Variants in PPFIBP1 observed in about 807,000 individuals in gnomAD.
The protein encoded by PPFIBP1 is PPFIB scaffold protein 1, also known as liprin-beta-1.
PPFIBP1 carries 112 observed loss-of-function variants against 137.8 expected under a neutral mutation model. The observed-to-expected ratio is 0.81, with a 90% CI of 0.70 to 0.95. PPFIBP1 has a LOEUF of 0.95. PPFIBP1 is among the 40% of genes least tolerant of loss of function. The pLI, the probability that PPFIBP1 is intolerant of heterozygous loss-of-function variation, is 0.00. For missense variants in PPFIBP1, 1,083 were observed against 1,196.6 expected (o/e 0.91, Z 1.40); for synonymous variants, 378 against 417.3 (o/e 0.91, Z 1.15).
intron 2 of PPFIBP1, chr12:27,593,423 G>A (rs894421339): frequency 2.2e-6 from 1 of 455,562 alleles, no homozygotes; most frequent in Admixed American, 2.4e-5. Flanking sequence ...TGTTCCTTAA[G>A]CCTTAGAGGA....
rs143877880 is a variant in PPFIBP1, at chr12:27,647,728, G to C, written c.358-1G>C. 8.2e-6 allele frequency: 13 copies of C among 1,588,536 alleles called. No individual in the cohort carries two copies. The African/African-American group carries it at 1.4e-4, about 17-fold the overall frequency. ...ATTGCATTATTTTGCTCTAAATACA[G>C]GTAAGTGTGTTAACAGACCAGGTGG... On this transcript the variant is annotated splice_acceptor_variant, in intron 5 of 29. Coordinates refer to ENST00000228425, the MANE Select transcript of PPFIBP1 (RefSeq NM_003622.4). LOFTEE classifies it high-confidence loss of function.
chr12:27,573,638 CT>C (rs1169830956), intron 1 of PPFIBP1, among the ~76,000 whole-genome samples: 1 of 152,146 alleles, frequency 6.6e-6, no homozygotes, highest in Non-Finnish European at 1.5e-5. Flanking sequence ...AGGATCTAGA[CT>C]TTACTCTGCA....
At chr12:27,525,010 A>G (rs1194745877) in intron 1 of PPFIBP1, among the ~76,000 whole-genome samples, 3 of 152,066 alleles carry the variant, frequency 2.0e-5, no homozygotes, top group Non-Finnish European at 2.9e-5. Flanking sequence ...TGCCAGCTTT[A>G]TATCTGGAGA....
chr12:27,673,428 A>G (rs1385742997), intron 15 of PPFIBP1, among the ~76,000 whole-genome samples: 3 of 152,246 alleles, frequency 2.0e-5, no homozygotes, highest in Non-Finnish European at 4.4e-5. Flanking sequence ...GAGTATTTTT[A>G]AAGTTCCTAG....
intron 1 of PPFIBP1, among the ~76,000 whole-genome samples, chr12:27,530,481 A>G (rs978525706): frequency 2.0e-5 from 3 of 152,218 alleles, no homozygotes; most frequent in Non-Finnish European, 2.9e-5. Context: ...GTGACTTTGC[A>G]TAACTGAGAA....
At chr12:27,612,170 G>A (rs946800376) in intron 2 of PPFIBP1, among the ~76,000 whole-genome samples, 3 of 152,064 alleles carry the variant, frequency 2.0e-5, no homozygotes, top group South Asian at 2.1e-4. Context: ...CAGGGATGCC[G>A]TCAGAGGTAC....
At chr12:27,670,255 A>C (rs549685363) in intron 13 of PPFIBP1, among the ~76,000 whole-genome samples, 1 of 152,352 alleles carries the variant, frequency 6.6e-6, no homozygotes, top group East Asian at 1.9e-4. Context: ...AGGATGCACA[A>C]AGCATTTGTT....
At chr12:27,609,481 G>A (rs2054862502) in intron 2 of PPFIBP1, among the ~76,000 whole-genome samples, 1 of 152,056 alleles carries the variant, frequency 6.6e-6, no homozygotes, top group African/African-American at 2.4e-5. Context: ...TACTTCTGTT[G>A]CCTTCACTAC....
In PPFIBP1 at chr12:27,658,932, T is replaced by G. The variant is rs2059378194; in HGVS notation, c.844+84T>G. ...GTTCTTTGCATGTGTTTTAAAACAT[T>G]TCTCTCACCAAAGATGTAAAGTTGC... On this transcript the variant is annotated intron_variant, in intron 10 of 29. Coordinates refer to ENST00000228425, the MANE Select transcript of PPFIBP1 (RefSeq NM_003622.4). 3.7e-6 allele frequency: 5 copies of G among 1,364,124 alleles called. No individual in the cohort carries two copies. In the South Asian group the frequency reaches 6.3e-5, roughly 17 times the overall value. The allele number at this position is 1,364,124 out of a possible 1,614,324, so 84.5% of individuals were successfully genotyped here.
intron 1 of PPFIBP1, among the ~76,000 whole-genome samples, chr12:27,575,857 C>T (rs1227656421): frequency 6.6e-6 from 1 of 152,148 alleles, no homozygotes; most frequent in Admixed American, 6.5e-5. Context: ...GTATTTATAG[C>T]TTAAGTCTGT....
At chr12:27,562,653 A>C (rs2049260515) in intron 1 of PPFIBP1, among the ~76,000 whole-genome samples, 1 of 152,168 alleles carries the variant, frequency 6.6e-6, no homozygotes, top group Admixed American at 6.5e-5. Flanking sequence ...TTTAAAGGTC[A>C]TTATTGTGCC....
intron 1 of PPFIBP1, among the ~76,000 whole-genome samples, chr12:27,551,527 A>G (rs188544501): frequency 1.8e-3 from 280 of 152,298 alleles, no homozygotes; most frequent in Non-Finnish European, 2.8e-3. Flanking sequence ...TGATGGCTAC[A>G]TAAAAGGTCT....
In PPFIBP1 at chr12:27,679,987, A is replaced by G. The variant is rs368610595; in HGVS notation, c.1821A>G (p.Glu607=). The G allele has an allele frequency of 3.7e-6, 6 of 1,614,122 alleles. No individual in the cohort carries two copies. Among genetic ancestry groups the G allele is most frequent in the Non-Finnish European group, 5.1e-6 (6 of 1,179,996 alleles). ...ACCCAGATGACATGTCTGAGCCTGAATTCAAAAGAGGAGGGACAAGGGCAA... is the reference window on the plus strand; with the variant it reads ...ACCCAGATGACATGTCTGAGCCTGAGTTCAAAAGAGGAGGGACAAGGGCAA... The part of the protein sequence containing the change: ...TFNPDDMSEP[E]FKRGGTRATA... The change falls in exon 21 of 30, where the codon GAA becomes GAG. Residue 607 remains glutamate, a synonymous_variant. Transcript: ENST00000228425.
chr12:27,618,650 T>A (rs11833842), intron 2 of PPFIBP1, among the ~76,000 whole-genome samples: 99 of 152,288 alleles, frequency 6.5e-4, no homozygotes, highest in African/African-American at 2.3e-3. Context: ...CCAATGTAGA[T>A]CTTACATGTA....
intron 3 of PPFIBP1, among the ~76,000 whole-genome samples, chr12:27,634,139 CTT>C (rs375816732): frequency 6.4e-4 from 71 of 111,586 alleles, no homozygotes; most frequent in Middle Eastern, 5.0e-3. Flanking sequence ...CCGGCCATAT[CTT>C]TTTTTTTTTT....
rs926183414 is a variant in PPFIBP1, at chr12:27,680,024, C to G, written c.1858C>G (p.Arg620Gly). 6.2e-7 allele frequency: 1 copy of G among 1,613,946 alleles called. No homozygotes were observed. The highest frequency in any genetic ancestry group is 8.5e-7 in the Non-Finnish European group (1 of 1,179,976). Residue 620 changes from arginine to glycine, a missense_variant, in exon 21 of 30, where the codon CGA (arginine) becomes GGA (glycine). Physicochemically the swap from Arg to Gly is moderately radical, Grantham distance 125. Coordinates refer to ENST00000228425, the MANE Select transcript of PPFIBP1 (RefSeq NM_003622.4). ...RGGTRATAGP[R>G]LGWSRDLGQS... ...AGGGACAAGGGCAACCGCGGGGCCC[C>G]GATTAGGTTGGTCTCGAGACTTGGG...
At chr12:27,587,277 G>A (rs894036502) in intron 2 of PPFIBP1, among the ~76,000 whole-genome samples, 3 of 152,108 alleles carry the variant, frequency 2.0e-5, no homozygotes, top group African/African-American at 7.2e-5. Flanking sequence ...TAATATCTAA[G>A]TTTTATTTAG....
At chr12:27,564,739 G>T (rs1259180894) in intron 1 of PPFIBP1, among the ~76,000 whole-genome samples, 1 of 152,000 alleles carries the variant, frequency 6.6e-6, no homozygotes. Context: ...TTGCTTTCCG[G>T]GTCTCTCCTG....
chr12:27,630,087 G>T (rs1339930251), intron 2 of PPFIBP1, among the ~76,000 whole-genome samples: 3 of 151,856 alleles, frequency 2.0e-5, no homozygotes, highest in Non-Finnish European at 4.4e-5. Flanking sequence ...GTGTTACTGA[G>T]TTTTTTTTCC....
Sources: gnomAD v4.1 joint callset for allele counts (sites outside exome capture counted in the v4.1 genomes callset) on GRCh38, gnomAD v4.1.1 for gene constraint, MANE v1.5 for transcripts, NCBI Gene and HGNC (gene_info 2026-07-23, HGNC 2026-07-21) for gene names.